The following OTUD7B variants were observed in gnomAD, a reference collection of about 807,000 sequenced individuals.
The protein encoded by OTUD7B is OTU deubiquitinase 7B.
Under a neutral mutation model 82.2 loss-of-function variants are expected in OTUD7B, and 34 were observed. That is an observed-to-expected ratio of 0.41 (90% CI 0.31 to 0.55). OTUD7B has a LOEUF of 0.55. Among genes scored for constraint, OTUD7B ranks in the 20% least tolerant of loss-of-function variants. OTUD7B has a pLI of 0.20. For synonymous variants in OTUD7B, 398 were observed against 402.7 expected, an observed-to-expected ratio of 0.99 and a Z score of 0.14; for missense variants, 944 against 1,062.1, an observed-to-expected ratio of 0.89 and a Z score of 1.55.
rs782618857 is a variant in OTUD7B at position 149,971,167 on chromosome 1, C to G, written c.170G>C (p.Ser57Thr). The change falls in exon 3 of 12, where the codon AGT becomes ACT. Residue 57 changes from serine (S) to threonine (T), a missense_variant. Coordinates refer to ENST00000581312, the MANE Select transcript of OTUD7B (RefSeq NM_020205.4). ...VHAGNLPPSF[S>T]EGSGGSRTPE... Reference sequence around the variant, plus strand: ...GGTCCTGGAGCCACCACTCCCCTCACTAAAGGATGGGGGTAGGTTTCCAGC... The same window carrying G: ...GGTCCTGGAGCCACCACTCCCCTCAGTAAAGGATGGGGGTAGGTTTCCAGC... 1 of 1,613,732 alleles carries G rather than the reference C, an allele frequency of 6.2e-7. No homozygotes were observed. The highest frequency in any genetic ancestry group is 1.1e-5 in the South Asian group (1 of 91,050).
the OTUD7B span, among the ~76,000 whole-genome samples, chr1:150,043,133 A>C: frequency 6.6e-6 from 1 of 152,124 alleles, no homozygotes; most frequent in African/African-American, 2.4e-5. Flanking sequence ...CCCATCTCAG[A>C]TCTATTAAGT....
the OTUD7B span, among the ~76,000 whole-genome samples, chr1:150,026,317 A>T: frequency 6.6e-6 from 1 of 152,280 alleles, no homozygotes; most frequent in Non-Finnish European, 1.5e-5. Flanking sequence ...AAAGAAGGCC[A>T]GATGGAAATT....
At chr1:149,970,706 G>A (rs587651309) in intron 3 of OTUD7B, among the ~76,000 whole-genome samples, 1 of 152,272 alleles carries the variant, frequency 6.6e-6, no homozygotes, top group African/African-American at 2.4e-5. Flanking sequence ...GAGTACATAT[G>A]CATTTTAATT....
chr1:150,034,971 C>T, the OTUD7B span, among the ~76,000 whole-genome samples: 1 of 151,924 alleles, frequency 6.6e-6, no homozygotes, highest in East Asian at 1.9e-4. Context: ...GATGAAACCC[C>T]GTTTCAACTA....
intron 2 of OTUD7B, among the ~76,000 whole-genome samples, chr1:149,973,857 A>AC (rs1650099892): frequency 2.1e-5 from 1 of 48,336 alleles, no homozygotes; most frequent in Non-Finnish European, 4.7e-5. Flanking sequence ...TGCCCCTTCT[A>AC]ATTTTTTTTT....
chr1:149,968,042 T>C (rs1410239414), intron 3 of OTUD7B, among the ~76,000 whole-genome samples: 1 of 152,038 alleles, frequency 6.6e-6, no homozygotes, highest in African/African-American at 2.4e-5. Flanking sequence ...GGCAGGTGGA[T>C]CACCTGAGGT....
the OTUD7B span, among the ~76,000 whole-genome samples, chr1:150,022,769 T>C: frequency 6.6e-6 from 1 of 152,240 alleles, no homozygotes; most frequent in Non-Finnish European, 1.5e-5. Flanking sequence ...AACTCTTTAG[T>C]ATCCCACCAG....
At chr1:149,986,246 C>G (rs1029678821) in intron 1 of OTUD7B, among the ~76,000 whole-genome samples, 1 of 150,944 alleles carries the variant, frequency 6.6e-6, no homozygotes, top group Non-Finnish European at 1.5e-5. Flanking sequence ...ATCACACACA[C>G]ACACACACAC....
the OTUD7B span, among the ~76,000 whole-genome samples, chr1:150,016,865 G>A: frequency 1.3e-5 from 2 of 152,206 alleles, no homozygotes; most frequent in Non-Finnish European, 2.9e-5. Context: ...TAGCAAGTCA[G>A]TAAGAGACAG....
At chr1:150,046,287 C>T in the OTUD7B span, among the ~76,000 whole-genome samples, 1 of 152,072 alleles carries the variant, frequency 6.6e-6, no homozygotes, top group African/African-American at 2.4e-5. Flanking sequence ...TCCAGCTACT[C>T]TCTCAACATC....
rs1553769852 is a variant in OTUD7B, at chr1:149,939,008, T to G, written c.*4849A>C. The G allele has an allele frequency of 6.6e-6, 1 of 151,346 alleles. No homozygotes were observed. Among genetic ancestry groups the G allele is most frequent in the East Asian group, 1.9e-4 (1 of 5,178 alleles). 9.4% of individuals were successfully genotyped at this position (151,346 alleles called of 1,614,324 possible). ...GAATTGGGCGATTTGGATCAATACT[T>G]AACCAGGAATGGAGTGGGCAGGAGC... is the stretch of plus-strand genomic sequence containing the variant. On this transcript the variant is annotated 3_prime_UTR_variant, in exon 12 of 12. Transcript: ENST00000581312.
chr1:150,051,050 G>A, the OTUD7B span, among the ~76,000 whole-genome samples: 2 of 151,704 alleles, frequency 1.3e-5, no homozygotes, highest in Non-Finnish European at 2.9e-5. Context: ...CTAACATGGT[G>A]AAACCCTGTC....
the OTUD7B span, among the ~76,000 whole-genome samples, chr1:150,058,093 G>A: frequency 6.6e-6 from 1 of 152,144 alleles, no homozygotes; most frequent in Non-Finnish European, 1.5e-5. Context: ...AAAGCTCAAC[G>A]GAAAGAGAAC....
At chr1:150,004,578 A>C (rs1470428487) in intron 1 of OTUD7B, among the ~76,000 whole-genome samples, 1 of 151,168 alleles carries the variant, frequency 6.6e-6, no homozygotes, top group East Asian at 1.9e-4. Context: ...AAAATAAATA[A>C]ATAAATACAT....
chr1:150,011,052 TGA>T (rs1325355190), upstream of OTUD7B, among the ~76,000 whole-genome samples: 1 of 152,082 alleles, frequency 6.6e-6, no homozygotes, highest in African/African-American at 2.4e-5. Context: ...TGTAGAAAGG[TGA>T]GAGAGATGAA....
intron 6 of OTUD7B, chr1:149,963,539 T>TTTTGA: frequency 8.8e-6 from 1 of 113,712 alleles, no homozygotes. Context: ...TAAAAGGTTT[T>TTTTGA]TTTGTTTTTG....
the OTUD7B span, among the ~76,000 whole-genome samples, chr1:150,025,011 G>A: frequency 6.6e-6 from 1 of 151,950 alleles, no homozygotes; most frequent in South Asian, 2.1e-4. Context: ...TCACACCACT[G>A]CACTCCAGCC....
In OTUD7B at chr1:149,944,603, G is replaced by A. The variant is rs781825906; in HGVS notation, c.1786C>T (p.Leu596=). ...TGCATGGCAGTCCTCAGAATGCTCA[G>A]GCTCTGCATCACCTCCTGGCTATAC... ...SKYSQEVMQS[L]SILRTAMQGE... Residue 596 remains leucine, a synonymous_variant, in exon 12 of 12, where the codon CTG becomes TTG. Coordinates refer to ENST00000581312, the MANE Select transcript of OTUD7B (RefSeq NM_020205.4). The A allele has an allele frequency of 8.6e-5, 138 of 1,613,986 alleles. 1 individual carries two copies. In the Admixed American group the frequency reaches 2.2e-3, roughly 25 times the overall value.
In OTUD7B at chr1:149,949,642, A is replaced by G. The variant is rs150678574; in HGVS notation, c.1110T>C (p.Asn370=). ...GTCATTCAGCACCTTGTTCCTTGGT[A>G]TTCTCCTTCTGCTCCATGGACACGA... is the stretch of plus-strand genomic sequence containing the variant. ...SALVSMEQKE[N]TKEQAVIPLT... The change falls in exon 9 of 12, where the codon AAT becomes AAC. Residue 370 remains asparagine (N), a synonymous_variant. Transcript: ENST00000581312. 12 of 1,613,924 alleles carry G rather than the reference A, an allele frequency of 7.4e-6. No homozygotes were observed. In the East Asian group the frequency reaches 2.5e-4, roughly 33 times the overall value.
Sources: allele counts gnomAD v4.1 joint callset (sites outside exome capture counted in the v4.1 genomes callset), GRCh38; gene constraint gnomAD v4.1.1; transcripts MANE v1.5; gene names NCBI Gene and HGNC (gene_info 2026-07-23, HGNC 2026-07-21).